Variants in SCD5 observed in about 807,000 individuals in gnomAD.
SCD5 encodes acyl-CoA-desaturase 4.
In SCD5, 20 loss-of-function variants were observed where a neutral mutation model predicts 30.4. The observed-to-expected ratio is 0.66, with a 90% CI of 0.46 to 0.96. The LOEUF is 0.96. SCD5 is among the 40% of genes least tolerant of loss of function. The pLI is 0.00. For synonymous variants in SCD5, 173 were observed against 176.4 expected (o/e 0.98, Z 0.16); for missense variants, 381 against 443.3 (o/e 0.86, Z 1.26).
At chr4:82,674,588 T>C (rs997716895) in intron 3 of SCD5, among the ~76,000 whole-genome samples, 5 of 152,194 alleles carry the variant, frequency 3.3e-5, no homozygotes, top group African/African-American at 4.8e-5. Flanking sequence ...ACTAAAAATA[T>C]TGTGATTGTA....
intron 1 of SCD5, among the ~76,000 whole-genome samples, chr4:82,789,104 T>C (rs1032817065): frequency 7.9e-5 from 12 of 152,198 alleles, no homozygotes; most frequent in African/African-American, 2.9e-4. Context: ...CTGTTGCCAG[T>C]TCATCTGTTA....
At chr4:82,633,796 CT>C (rs1234290106) in intron 4 of SCD5, among the ~76,000 whole-genome samples, 1 of 152,206 alleles carries the variant, frequency 6.6e-6, no homozygotes, top group African/African-American at 2.4e-5. Flanking sequence ...AATTCACCCT[CT>C]TGAAGTATAC....
chr4:82,760,454 T>C (rs926736218), intron 1 of SCD5, among the ~76,000 whole-genome samples: 1 of 152,172 alleles, frequency 6.6e-6, no homozygotes, highest in African/African-American at 2.4e-5. Context: ...TGAAATGCAG[T>C]GGCACAATCT....
chr4:82,699,577 T>A (rs1402951444), intron 2 of SCD5, among the ~76,000 whole-genome samples: 2 of 147,566 alleles, frequency 1.4e-5, no homozygotes, highest in Non-Finnish European at 3.0e-5. Context: ...TTTGTTTTTT[T>A]TTTTTTTTGA....
At chr4:82,673,440 A>T (rs1402815736) in intron 3 of SCD5, among the ~76,000 whole-genome samples, 1 of 152,202 alleles carries the variant, frequency 6.6e-6, no homozygotes, top group Non-Finnish European at 1.5e-5. Context: ...AAAGAAGTAT[A>T]AATCTAACAA....
intron 3 of SCD5, among the ~76,000 whole-genome samples, chr4:82,675,033 A>T (rs1160072777): frequency 6.6e-6 from 1 of 152,216 alleles, no homozygotes; most frequent in Non-Finnish European, 1.5e-5. Context: ...TCTGTAAGAT[A>T]CTACAATAGT....
Position 82,758,685 on chromosome 4 carries a change from C to T in SCD5, c.232+39621G>A, listed in dbSNP as rs192882779. 1.2e-3 allele frequency among the ~76,000 whole-genome samples: 181 copies of T among 152,084 alleles called. 1 individual carries two copies. Among genetic ancestry groups the T allele is most frequent in the African/African-American group, 4.2e-3 (174 of 41,472 alleles). ...GGGTCAGCGGGACAGGATTTTGGTGCGGGTGAGGGACACAGGCTCTGTGAG... is the reference window on the plus strand; with the variant it reads ...GGGTCAGCGGGACAGGATTTTGGTGTGGGTGAGGGACACAGGCTCTGTGAG... On this transcript the variant is annotated intron_variant, in intron 1 of 4. Coordinates refer to ENST00000319540, the MANE Select transcript of SCD5 (RefSeq NM_001037582.3).
intron 1 of SCD5, among the ~76,000 whole-genome samples, chr4:82,791,783 CAA>C (rs1722103644): frequency 6.6e-6 from 1 of 152,082 alleles, no homozygotes; most frequent in Non-Finnish European, 1.5e-5. Context: ...AAATGCTACT[CAA>C]AGACACTTTT....
intron 1 of SCD5, among the ~76,000 whole-genome samples, chr4:82,760,077 G>A (rs1721324869): frequency 6.6e-6 from 1 of 151,956 alleles, no homozygotes; most frequent in African/African-American, 2.4e-5. Context: ...CCTGTCTCTA[G>A]TGCCTACCCT....
chr4:82,676,612 G>A (rs532238743), intron 3 of SCD5, among the ~76,000 whole-genome samples: 2 of 152,342 alleles, frequency 1.3e-5, no homozygotes, highest in East Asian at 3.9e-4. Flanking sequence ...GGCTCTAGAA[G>A]AGAGCTCAGA....
intron 1 of SCD5, among the ~76,000 whole-genome samples, chr4:82,793,603 A>G (rs931301722): frequency 6.6e-6 from 1 of 152,198 alleles, no homozygotes; most frequent in Non-Finnish European, 1.5e-5. Context: ...TTCTTCTGCT[A>G]AAGAAAAGGG....
chr4:82,732,978 A>G (rs1720675706), intron 1 of SCD5, among the ~76,000 whole-genome samples: 1 of 152,164 alleles, frequency 6.6e-6, no homozygotes, highest in Admixed American at 6.5e-5. Flanking sequence ...AGTGGTTCCC[A>G]AATTAATGAT....
At chr4:82,694,407 G>C (rs548899224) in intron 2 of SCD5, among the ~76,000 whole-genome samples, 15 of 152,308 alleles carry the variant, frequency 9.8e-5, no homozygotes, top group Non-Finnish European at 1.6e-4. Flanking sequence ...ATTTGCTGTG[G>C]CCAGTGGGAA....
intron 1 of SCD5, among the ~76,000 whole-genome samples, chr4:82,768,185 A>G (rs1044438673): frequency 2.0e-5 from 3 of 152,202 alleles, no homozygotes; most frequent in African/African-American, 7.2e-5. Context: ...TAAAATAAAT[A>G]CCACAATTAT....
chr4:82,718,805 C>A (rs940419230), intron 1 of SCD5, among the ~76,000 whole-genome samples: 1 of 151,758 alleles, frequency 6.6e-6, no homozygotes, highest in Non-Finnish European at 1.5e-5. Context: ...CTGTGAATAA[C>A]CCCAAGACAG....
At chr4:82,652,358 G>A (rs971961987) in intron 3 of SCD5, among the ~76,000 whole-genome samples, 1 of 152,204 alleles carries the variant, frequency 6.6e-6, no homozygotes, top group African/African-American at 2.4e-5. Flanking sequence ...CAGAAATGAA[G>A]TAAAATATAA....
At chr4:82,637,381 C>T (rs1727455735) in intron 3 of SCD5, among the ~76,000 whole-genome samples, 1 of 152,296 alleles carries the variant, frequency 6.6e-6, no homozygotes, top group South Asian at 2.1e-4. Context: ...AGTATAGAAA[C>T]AGGCATGGCC....
intron 1 of SCD5, among the ~76,000 whole-genome samples, chr4:82,713,511 T>TA (rs1720154137): frequency 2.0e-5 from 3 of 152,218 alleles, no homozygotes; most frequent in Non-Finnish European, 4.4e-5. Flanking sequence ...GCACTCCTGT[T>TA]AGATACTCTG....
At chr4:82,720,453 A>T (rs539283203) in intron 1 of SCD5, among the ~76,000 whole-genome samples, 1 of 150,904 alleles carries the variant, frequency 6.6e-6, no homozygotes, top group Non-Finnish European at 1.5e-5. Context: ...AAAAAAAAAA[A>T]AAAAAAAAAA....
Sources: allele counts gnomAD v4.1 joint callset (sites outside exome capture counted in the v4.1 genomes callset), GRCh38; gene constraint gnomAD v4.1.1; transcripts MANE v1.5; gene names NCBI Gene and HGNC (gene_info 2026-07-23, HGNC 2026-07-21).